Variants in CDYL observed in about 807,000 individuals in gnomAD.
The protein encoded by CDYL is chromodomain Y like, also known as chromodomain Y-like protein.
In CDYL, 8 loss-of-function variants were observed where a neutral mutation model predicts 47.3. The observed-to-expected ratio is 0.17, with a 90% CI of 0.10 to 0.31. The LOEUF is 0.31. Among genes scored for constraint, CDYL ranks in the 10% least tolerant of loss-of-function variants. The pLI is 1.00. For missense variants in CDYL, 471 were observed against 701.4 expected (o/e 0.67, Z 3.71); for synonymous variants, 266 against 265.0 (o/e 1.00, Z -0.04).
At chr6:4,864,779 G>T (rs1220192617) in intron 1 of CDYL, among the ~76,000 whole-genome samples, 1 of 152,186 alleles carries the variant, frequency 6.6e-6, no homozygotes, top group African/African-American at 2.4e-5. Context: ...CCCTAGGCAT[G>T]TGGAACTGTA....
At chr6:4,787,765 CTTTTTT>C (rs70974136) in intron 1 of CDYL, among the ~76,000 whole-genome samples, 44 of 69,436 alleles carry the variant, frequency 6.3e-4, no homozygotes, top group African/African-American at 2.3e-3. Flanking sequence ...AAATTCAAGT[CTTTTTT>C]TTTTTTTTTT....
intron 1 of CDYL, among the ~76,000 whole-genome samples, chr6:4,890,967 C>T (rs368539831): frequency 2.0e-5 from 3 of 152,194 alleles, no homozygotes; most frequent in South Asian, 2.1e-4. Flanking sequence ...CTTCCATTTA[C>T]GCTTCAGATG....
intron 1 of CDYL, among the ~76,000 whole-genome samples, chr6:4,820,840 G>A (rs933703630): frequency 1.7e-4 from 26 of 152,176 alleles, no homozygotes; most frequent in Admixed American, 7.9e-4. Flanking sequence ...AAGGCAGAGC[G>A]GCAGCCTGCA....
chr6:4,794,776 TTTGTTG>T (rs145892466), intron 1 of CDYL, among the ~76,000 whole-genome samples: 1 of 149,546 alleles, frequency 6.7e-6, no homozygotes, highest in Admixed American at 6.6e-5. Context: ...AACTAGAGTT[TTTGTTG>T]TTGTTGTTGT....
At chr6:4,776,356 G>C (rs1758447867), upstream of CDYL, 2 of 145,260 alleles carry the variant, frequency 1.4e-5, no homozygotes, top group Admixed American at 1.4e-4. Flanking sequence ...GGCTCCGCAG[G>C]GCCGGGCGGC....
chr6:4,838,970 C>T (rs1333632439), intron 1 of CDYL, among the ~76,000 whole-genome samples: 6 of 152,266 alleles, frequency 3.9e-5, no homozygotes, highest in South Asian at 4.1e-4. Context: ...CCACCACTCC[C>T]GGCCTTACTT....
rs147517464 is a variant in CDYL at position 4,842,890 on chromosome 6, G to A, written c.25-48823G>A. On this transcript the variant is annotated intron_variant, in intron 1 of 6. Transcript: ENST00000397588. The stretch of plus-strand genomic sequence containing the variant: ...CCTGTGAGATTTATGCTTTAAGGAG[G>A]TTCTATTTTGGTGTATGTCAAGGAT... 4.9e-3 allele frequency among the ~76,000 whole-genome samples: 753 copies of A among 152,198 alleles called. 3 individuals are homozygous for A. The highest frequency in any genetic ancestry group is 0.017 in the African/African-American group (722 of 41,520).
At chr6:4,923,170 T>C (rs540547180) in intron 2 of CDYL, among the ~76,000 whole-genome samples, 9 of 152,328 alleles carry the variant, frequency 5.9e-5, no homozygotes, top group African/African-American at 1.9e-4. Flanking sequence ...TCAGAACTTA[T>C]TCCTCCGGTC....
At chr6:4,854,108 G>A (rs537430230) in intron 1 of CDYL, among the ~76,000 whole-genome samples, 2 of 152,308 alleles carry the variant, frequency 1.3e-5, no homozygotes, top group South Asian at 4.1e-4. Flanking sequence ...TCCTCCAGCA[G>A]GGCAGTGACA....
At chr6:4,737,621 C>CAAAA (rs1191132461) in intron 3 of CDYL, among the ~76,000 whole-genome samples, 1 of 112,202 alleles carries the variant, frequency 8.9e-6, no homozygotes, top group Non-Finnish European at 1.9e-5. Flanking sequence ...AACTCCGTCT[C>CAAAA]AAAAAAAAAA....
At chr6:4,821,735 C>CAGG (rs60567289) in intron 1 of CDYL, among the ~76,000 whole-genome samples, 1 of 148,406 alleles carries the variant, frequency 6.7e-6, no homozygotes, top group African/African-American at 2.5e-5. Context: ...GACTGTATCT[C>CAGG]GGGGGAAAAA....
chr6:4,936,365 T>G (rs772408967), intron 3 of CDYL, among the ~76,000 whole-genome samples: 3 of 152,156 alleles, frequency 2.0e-5, no homozygotes, highest in Non-Finnish European at 4.4e-5. Flanking sequence ...TTTTGTGAAG[T>G]TTCTAGAATC....
intron 1 of CDYL, among the ~76,000 whole-genome samples, chr6:4,851,947 T>C (rs2127463735): frequency 6.6e-6 from 1 of 152,066 alleles, no homozygotes; most frequent in South Asian, 2.1e-4. Context: ...TCTATGTCAG[T>C]CCCCTACTTT....
At chr6:4,725,343 T>C (rs1757488768) in intron 2 of CDYL, among the ~76,000 whole-genome samples, 1 of 152,200 alleles carries the variant, frequency 6.6e-6, no homozygotes, top group South Asian at 2.1e-4. Context: ...TCCTCAGCCC[T>C]TGGGTGGCCG....
At chr6:4,724,219 T>C (rs71558071) in intron 2 of CDYL, among the ~76,000 whole-genome samples, 1 of 147,132 alleles carries the variant, frequency 6.8e-6, no homozygotes. Context: ...TTTTGTATTT[T>C]TTTTTTTTAA....
intron 4 of CDYL, among the ~76,000 whole-genome samples, chr6:4,941,791 T>C (rs1043173669): frequency 6.6e-6 from 1 of 152,214 alleles, no homozygotes; most frequent in Non-Finnish European, 1.5e-5. Flanking sequence ...ATCATCGCTT[T>C]TATGTTAATT....
chr6:4,796,170 T>G (rs922500990), intron 1 of CDYL, among the ~76,000 whole-genome samples: 1 of 152,176 alleles, frequency 6.6e-6, no homozygotes, highest in African/African-American at 2.4e-5. Flanking sequence ...TGACCTCATG[T>G]GATCCGCCTG....
chr6:4,928,285 T>G (rs775582886), intron 2 of CDYL, among the ~76,000 whole-genome samples: 36 of 152,202 alleles, frequency 2.4e-4, no homozygotes, highest in Non-Finnish European at 4.3e-4. Flanking sequence ...TGAGGGGGGC[T>G]GTCTTTTTAT....
chr6:4,807,040 G>T (rs886396034), intron 1 of CDYL, among the ~76,000 whole-genome samples: 2 of 152,150 alleles, frequency 1.3e-5, no homozygotes, highest in Non-Finnish European at 2.9e-5. Flanking sequence ...TCCTCTGTGC[G>T]TGCGTGCACC....
Sources: allele counts gnomAD v4.1 joint callset (sites outside exome capture counted in the v4.1 genomes callset), GRCh38; gene constraint gnomAD v4.1.1; transcripts MANE v1.5; gene names NCBI Gene and HGNC (gene_info 2026-07-23, HGNC 2026-07-21).